The following FRMD5 variants were observed in gnomAD, a reference collection of about 807,000 sequenced individuals.
The protein encoded by FRMD5 is FERM domain containing 5.
Under a neutral mutation model 69.0 loss-of-function variants are expected in FRMD5, and 20 were observed. The observed-to-expected ratio is 0.29, with a 90% CI of 0.20 to 0.42. The LOEUF (loss-of-function observed/expected upper bound fraction) is 0.42. Among genes scored for constraint, FRMD5 ranks in the 10% least tolerant of loss-of-function variants. The pLI is 1.00. For missense variants in FRMD5, 595 were observed against 708.6 expected (o/e 0.84, Z 1.82); for synonymous variants, 271 against 260.1 (o/e 1.04, Z -0.40).
At chr15:44,196,822 C>G (rs1481286173), upstream of FRMD5, among the ~76,000 whole-genome samples, 1 of 148,550 alleles carries the variant, frequency 6.7e-6, no homozygotes, top group Non-Finnish European at 1.5e-5. Flanking sequence ...CCTTAGTAAC[C>G]TGGACTGCTC....
chr15:44,104,317 G>A (rs2076682036), intron 1 of FRMD5, among the ~76,000 whole-genome samples: 1 of 152,152 alleles, frequency 6.6e-6, no homozygotes, highest in Non-Finnish European at 1.5e-5. Context: ...TATTCTAAAA[G>A]TTCATGAAGT....
At chr15:43,908,538 A>C (rs561446570) in intron 5 of FRMD5, among the ~76,000 whole-genome samples, 1 of 152,172 alleles carries the variant, frequency 6.6e-6, no homozygotes, top group African/African-American at 2.4e-5. Context: ...GGTTCTCTTC[A>C]CAAAGTTGCT....
chr15:44,080,095 T>C (rs1249410453), intron 1 of FRMD5, among the ~76,000 whole-genome samples: 1 of 152,072 alleles, frequency 6.6e-6, no homozygotes, highest in Non-Finnish European at 1.5e-5. Context: ...ATGGTTAAAA[T>C]GCTTATGTTA....
chr15:43,984,927 T>C (rs1595588215), intron 1 of FRMD5, among the ~76,000 whole-genome samples: 1 of 149,256 alleles, frequency 6.7e-6, no homozygotes, highest in Non-Finnish European at 1.5e-5. Context: ...GAGGTTGCAG[T>C]GAGCCGAGAT....
intron 1 of FRMD5, among the ~76,000 whole-genome samples, chr15:43,963,113 A>G (rs990675699): frequency 6.6e-6 from 1 of 152,208 alleles, no homozygotes; most frequent in Non-Finnish European, 1.5e-5. Context: ...ATCAGAGTGA[A>G]CAGGCAACCT....
At chr15:43,976,827 C>T (rs1566874903) in intron 1 of FRMD5, among the ~76,000 whole-genome samples, 1 of 151,414 alleles carries the variant, frequency 6.6e-6, no homozygotes, top group Non-Finnish European at 1.5e-5. Context: ...CTACCATGAC[C>T]AACTTTTTTT....
At chr15:43,957,699 T>G (rs145448499) in intron 1 of FRMD5, among the ~76,000 whole-genome samples, 20 of 152,372 alleles carry the variant, frequency 1.3e-4, no homozygotes, top group African/African-American at 1.7e-4. Flanking sequence ...ACTCCAGTAA[T>G]GTGCAGTGAA....
At chr15:43,897,893 G>T (rs1202752570) in intron 7 of FRMD5, among the ~76,000 whole-genome samples, 1 of 152,012 alleles carries the variant, frequency 6.6e-6, no homozygotes, top group Non-Finnish European at 1.5e-5. Context: ...AGATCTGATG[G>T]TTTAAAAGTA....
intron 1 of FRMD5, among the ~76,000 whole-genome samples, chr15:44,160,969 T>A (rs755826113): frequency 1.3e-4 from 20 of 152,216 alleles, no homozygotes; most frequent in Non-Finnish European, 4.4e-5. Flanking sequence ...GTGTACCATA[T>A]TGTACAAGAG....
intron 1 of FRMD5, among the ~76,000 whole-genome samples, chr15:44,046,935 T>C (rs1318805187): frequency 6.6e-6 from 1 of 152,206 alleles, no homozygotes; most frequent in Non-Finnish European, 1.5e-5. Flanking sequence ...ATTCAGATTT[T>C]GCTATAGAGG....
intron 7 of FRMD5, among the ~76,000 whole-genome samples, chr15:43,895,080 G>A (rs543598378): frequency 1.9e-4 from 29 of 152,044 alleles, no homozygotes; most frequent in Admixed American, 1.0e-3. Context: ...CACCACACCC[G>A]GCCTGTGTTT....
intron 1 of FRMD5, among the ~76,000 whole-genome samples, chr15:43,945,064 G>C (rs2089923455): frequency 6.6e-6 from 1 of 151,936 alleles, no homozygotes; most frequent in Admixed American, 6.6e-5. Context: ...TGGGATTACA[G>C]GCATGTGCCA....
intron 1 of FRMD5, among the ~76,000 whole-genome samples, chr15:44,025,818 A>C (rs1272609673): frequency 6.6e-6 from 1 of 152,190 alleles, no homozygotes; most frequent in African/African-American, 2.4e-5. Flanking sequence ...CTGCTCACTT[A>C]CCGCCTTTCT....
chr15:44,173,882 C>T (rs2077847927), intron 1 of FRMD5, among the ~76,000 whole-genome samples: 1 of 152,048 alleles, frequency 6.6e-6, no homozygotes, highest in African/African-American at 2.4e-5. Flanking sequence ...AAAACTATAG[C>T]TAAATAGCAC....
chr15:43,926,160 C>T (rs2089581732), intron 1 of FRMD5, among the ~76,000 whole-genome samples: 1 of 152,100 alleles, frequency 6.6e-6, no homozygotes, highest in Non-Finnish European at 1.5e-5. Flanking sequence ...AAAGCTAGGC[C>T]GTTTATAACC....
intron 1 of FRMD5, among the ~76,000 whole-genome samples, chr15:44,154,808 T>C (rs938314951): frequency 6.6e-6 from 1 of 151,954 alleles, no homozygotes; most frequent in Non-Finnish European, 1.5e-5. Flanking sequence ...AGCTAAGGGG[T>C]GCAGGGTTTC....
chr15:44,055,088 A>AAG (rs1214542189), intron 1 of FRMD5, among the ~76,000 whole-genome samples: 1 of 151,526 alleles, frequency 6.6e-6, no homozygotes, highest in Admixed American at 6.6e-5. Context: ...AAAAAAAAAA[A>AAG]AGAGTGGAGC....
At chr15:44,058,333 C>T (rs749727191) in intron 1 of FRMD5, among the ~76,000 whole-genome samples, 3 of 152,110 alleles carry the variant, frequency 2.0e-5, no homozygotes, top group Non-Finnish European at 4.4e-5. Flanking sequence ...TGTGGTTTGC[C>T]TCAGACCGGA....
intron 1 of FRMD5, among the ~76,000 whole-genome samples, chr15:44,176,552 T>A (rs1457650497): frequency 6.6e-6 from 1 of 152,142 alleles, no homozygotes. Context: ...AAAATTAAAA[T>A]CTTTTGTGCT....
Sources: allele counts gnomAD v4.1 joint callset (sites outside exome capture counted in the v4.1 genomes callset), GRCh38; gene constraint gnomAD v4.1.1; transcripts MANE v1.5; gene names NCBI Gene and HGNC (gene_info 2026-07-23, HGNC 2026-07-21).